The following RAB31 variants were observed in gnomAD, a reference collection of about 807,000 sequenced individuals.
RAB31 encodes ras-related protein Rab-31.
Under a neutral mutation model 25.6 loss-of-function variants are expected in RAB31, and 21 were observed. The ratio of observed to expected loss-of-function variants is 0.82; its 90% CI spans 0.58 to 1.18. The LOEUF is 1.18. Among genes scored for constraint, RAB31 ranks in the 50% most tolerant of loss-of-function variants. The pLI, the probability that RAB31 is intolerant of heterozygous loss-of-function variation, is 0.00. For synonymous variants in RAB31, 87 were observed against 84.0 expected, an observed-to-expected ratio of 1.04 and a Z score of -0.20; for missense variants, 196 against 250.1, an observed-to-expected ratio of 0.78 and a Z score of 1.46.
At chr18:9,812,529 CTTA>C (rs1313721843) in intron 3 of RAB31, among the ~76,000 whole-genome samples, 4 of 143,676 alleles carry the variant, frequency 2.8e-5, no homozygotes, top group African/African-American at 1.2e-4. Flanking sequence ...TAAGTGTCTC[CTTA>C]TTTTTATTGG....
chr18:9,832,936 C>T (rs574404807), intron 5 of RAB31, among the ~76,000 whole-genome samples: 2 of 152,244 alleles, frequency 1.3e-5, no homozygotes, highest in East Asian at 3.9e-4. Context: ...AAAACTGCAG[C>T]TGAGGGTTCC....
intron 1 of RAB31, among the ~76,000 whole-genome samples, chr18:9,768,919 C>T (rs1486490122): frequency 6.6e-6 from 1 of 152,164 alleles, no homozygotes; most frequent in Non-Finnish European, 1.5e-5. Flanking sequence ...ATATGGCTAG[C>T]CAGTTTTCCC....
chr18:9,842,038 A>G (rs559634627), intron 5 of RAB31, among the ~76,000 whole-genome samples: 33 of 152,196 alleles, frequency 2.2e-4, no homozygotes, highest in Non-Finnish European at 4.6e-4. Context: ...TTTGACATAC[A>G]GTTCTGTTGT....
intron 1 of RAB31, among the ~76,000 whole-genome samples, chr18:9,743,125 C>T (rs2068188451): frequency 6.6e-6 from 1 of 152,132 alleles, no homozygotes; most frequent in African/African-American, 2.4e-5. Context: ...GAATTCAGCC[C>T]CTAGACCTGC....
intron 4 of RAB31, 61 bp downstream of exon 4, chr18:9,814,152 C>A (rs2068589375): frequency 3.1e-6 from 4 of 1,276,790 alleles, no homozygotes; most frequent in Non-Finnish European, 3.3e-6. Flanking sequence ...CTTAGAGAGA[C>A]TGGAGCAGAG....
At chr18:9,840,983 A>G (rs2068730581) in intron 5 of RAB31, among the ~76,000 whole-genome samples, 1 of 152,130 alleles carries the variant, frequency 6.6e-6, no homozygotes. Flanking sequence ...GCGAGAGTGC[A>G]GTGGTACAAT....
intron 1 of RAB31, among the ~76,000 whole-genome samples, chr18:9,763,916 G>A (rs2068301497): frequency 6.6e-6 from 1 of 152,082 alleles, no homozygotes. Flanking sequence ...TACAGTCCTG[G>A]AGCTTCTGCT....
chr18:9,795,542 AAAAC>A (rs1463864008), intron 3 of RAB31, among the ~76,000 whole-genome samples: 2 of 152,192 alleles, frequency 1.3e-5, no homozygotes, highest in Non-Finnish European at 2.9e-5. Flanking sequence ...CAGCAAGAAC[AAAAC>A]AAACAATCCC....
At chr18:9,742,456 C>T (rs913189717) in intron 1 of RAB31, among the ~76,000 whole-genome samples, 4 of 152,218 alleles carry the variant, frequency 2.6e-5, no homozygotes, top group African/African-American at 7.2e-5. Context: ...CAGTTCTCAG[C>T]GCCAGCCTGA....
At chr18:9,752,425 A>G (rs913548368) in intron 1 of RAB31, among the ~76,000 whole-genome samples, 3 of 152,086 alleles carry the variant, frequency 2.0e-5, no homozygotes, top group Non-Finnish European at 2.9e-5. Flanking sequence ...AGGTTTAGCC[A>G]TGTTGGCCAG....
At chr18:9,742,277 C>T (rs2068183660) in intron 1 of RAB31, among the ~76,000 whole-genome samples, 1 of 152,176 alleles carries the variant, frequency 6.6e-6, no homozygotes, top group Non-Finnish European at 1.5e-5. Flanking sequence ...TTCAAAGACT[C>T]CTAGGGGCAA....
rs186251725 is a variant in RAB31, at chr18:9,732,076, A to G, written c.39+23632A>G. Among the ~76,000 whole-genome samples the G allele has an allele frequency of 1.1e-4, 17 of 152,324 alleles. No individual in the cohort carries two copies. The East Asian group carries it at 2.7e-3, about 24-fold the overall frequency. ...GAAGACACACAGGATGAGCAGCGAG[A>G]AACGATGCCCAGCCTCCGTCTCCCT... On this transcript the variant is annotated intron_variant, in intron 1 of 6. Transcript: ENST00000578921.
intron 1 of RAB31, among the ~76,000 whole-genome samples, chr18:9,749,132 A>G (rs1041009021): frequency 6.6e-6 from 1 of 152,238 alleles, no homozygotes; most frequent in African/African-American, 2.4e-5. Context: ...TTCACTTGAT[A>G]TACCTTGAAG....
chr18:9,807,963 G>A (rs922521685), intron 3 of RAB31, among the ~76,000 whole-genome samples: 1 of 152,180 alleles, frequency 6.6e-6, no homozygotes, highest in Non-Finnish European at 1.5e-5. Context: ...GGACGACAGA[G>A]CGAGACCCTG....
chr18:9,719,330 A>ATATATATATATATAT (rs1568161334), intron 1 of RAB31, among the ~76,000 whole-genome samples: 6 of 33,792 alleles, frequency 1.8e-4, no homozygotes, highest in Admixed American at 5.6e-4. Flanking sequence ...TATATATATA[A>ATATATATATATATAT]ATAAATAAAT....
intron 6 of RAB31, among the ~76,000 whole-genome samples, chr18:9,848,294 G>T (rs948573881): frequency 6.6e-6 from 1 of 151,668 alleles, no homozygotes; most frequent in African/African-American, 2.4e-5. Flanking sequence ...CTGTCCTTCT[G>T]TCCATCTGTG....
At chr18:9,797,906 C>G (rs951170438) in intron 3 of RAB31, among the ~76,000 whole-genome samples, 2 of 152,148 alleles carry the variant, frequency 1.3e-5, no homozygotes, top group African/African-American at 4.8e-5. Context: ...TTGAAATCTG[C>G]GAAAATGACT....
At position 9,731,122 on chromosome 18, in the gene RAB31, T is replaced by G. The variant is rs550755410; in HGVS notation, c.39+22678T>G. On this transcript the variant is annotated intron_variant, in intron 1 of 6. Transcript: ENST00000578921. ...AGCTGCATATCAAGCCAGTTTTTTGTTTTTGAGATGGGGGTTCTCACTGTG... is the reference window on the plus strand; with the variant it reads ...AGCTGCATATCAAGCCAGTTTTTTGGTTTTGAGATGGGGGTTCTCACTGTG... Among the ~76,000 whole-genome samples, 188 of 152,320 alleles carry G rather than the reference T, an allele frequency of 1.2e-3. 1 individual carries two copies. The highest frequency in any genetic ancestry group is 2.7e-3 in the Admixed American group (41 of 15,308).
rs1346863530 is a variant in RAB31, at chr18:9,730,200, T to G, written c.39+21756T>G. Among the ~76,000 whole-genome samples, 3 of 152,206 alleles carry G rather than the reference T, an allele frequency of 2.0e-5. No homozygotes were observed. In the East Asian group the frequency reaches 5.8e-4, roughly 29 times the overall value. On this transcript the variant is annotated intron_variant, in intron 1 of 6. Coordinates refer to ENST00000578921, the MANE Select transcript of RAB31 (RefSeq NM_006868.4). Reference sequence around the variant, plus strand: ...TATTTGGAAATATTTTTTACTAATTTCTTACGCAGCCCAAAACTTAATGGG... The same window carrying G: ...TATTTGGAAATATTTTTTACTAATTGCTTACGCAGCCCAAAACTTAATGGG...
Sources: gnomAD v4.1 joint callset for allele counts (sites outside exome capture counted in the v4.1 genomes callset) on GRCh38, gnomAD v4.1.1 for gene constraint, MANE v1.5 for transcripts, NCBI Gene and HGNC (gene_info 2026-07-23, HGNC 2026-07-21) for gene names.